The following NYX variants were observed in gnomAD, a reference collection of about 807,000 sequenced individuals.
NYX encodes nyctalopin, also known as leucine-rich repeat protein.
For synonymous variants in NYX, 258 were observed against 245.7 expected, an observed-to-expected ratio of 1.05 and a Z score of -0.47; for missense variants, 481 against 485.4, an observed-to-expected ratio of 0.99 and a Z score of 0.09.
At position 41,474,210 on chromosome X, in the gene NYX, C is replaced by T; in HGVS notation, c.742C>T (p.Leu248=). ...AELPADAFRG[L]RRLRTLNLGG... ...GCTCCCGGCCGACGCCTTCCGCGGC[C>T]TGCGGCGCCTGCGCACGCTCAACCT... is the stretch of plus-strand genomic sequence containing the variant. Residue 248 remains leucine (L), a synonymous_variant, in exon 3 of 3, where the codon CTG becomes TTG. Coordinates refer to ENST00000378220, the MANE Select transcript of NYX (RefSeq NM_001378477.3). 1 of 1,185,228 alleles carries T rather than the reference C, an allele frequency of 8.4e-7. No individual in the cohort carries two copies. Among genetic ancestry groups the T allele is most frequent in the Non-Finnish European group, 1.1e-6 (1 of 887,090 alleles).
At chrX:41,450,386 C>T (rs372361017) in intron 2 of NYX, among the ~76,000 whole-genome samples, 1 of 110,432 alleles carries the variant, frequency 9.1e-6, no homozygotes, top group African/African-American at 3.3e-5. Context: ...AAGTGATTCT[C>T]GTGCCTCAGT....
At chrX:41,450,684 C>T (rs749057760) in intron 2 of NYX, among the ~76,000 whole-genome samples, 3 of 98,953 alleles carry the variant, frequency 3.0e-5, no homozygotes, top group East Asian at 6.4e-4. Context: ...CTCACTCTGT[C>T]GACCAGGCTG....
At chrX:41,470,009 A>C (rs1396059980) in intron 2 of NYX, among the ~76,000 whole-genome samples, 1 of 110,678 alleles carries the variant, frequency 9.0e-6, no homozygotes, top group African/African-American at 3.3e-5. Flanking sequence ...TGGTGAATGG[A>C]ACTTAACTGC....
At chrX:41,450,811 A>C (rs1297219730) in intron 2 of NYX, among the ~76,000 whole-genome samples, 1 of 34,358 alleles carries the variant, frequency 2.9e-5, no homozygotes, top group African/African-American at 1.4e-4. Flanking sequence ...ACACCTGGCT[A>C]ATATATATAT....
chrX:41,473,381 T>C, intron 2 of NYX, 110 bp from the exon 3 acceptor site: 2 of 841,722 alleles, frequency 2.4e-6, no homozygotes, highest in Non-Finnish European at 2.9e-6. Context: ...AGGGCCTGCA[T>C]CCTGCTGCCC....
intron 2 of NYX, among the ~76,000 whole-genome samples, chrX:41,464,402 G>A (rs2064331222): frequency 9.0e-6 from 1 of 111,448 alleles, no homozygotes; most frequent in Non-Finnish European, 1.9e-5. Flanking sequence ...GCCTCCAAAA[G>A]TGCTAGGATT....
chrX:41,473,262 T>C (rs998498406), intron 2 of NYX, among the ~76,000 whole-genome samples: 1 of 110,753 alleles, frequency 9.0e-6, no homozygotes, highest in African/African-American at 3.3e-5. Context: ...TGGGTTTTGC[T>C]GATTAAGGTA....
In NYX at chrX:41,475,280, C is replaced by A; in HGVS notation, c.*381C>A. The A allele has an allele frequency of 4.8e-6, 1 of 207,174 alleles. No homozygotes were observed. Among genetic ancestry groups the A allele is most frequent in the Non-Finnish European group, 8.8e-6 (1 of 113,792 alleles). The allele number at this position is 207,174 out of a possible 1,213,427, so 17.1% of individuals were successfully genotyped here. A position where few individuals can be genotyped will look rare whatever the true frequency, so the allele number is the denominator to read the frequency against. Reference sequence around the variant, plus strand: ...CTTCCATTGGCTAAGTAGTTAAGAGCCGTCCCATTTCTCCTGGCGGGGTAA... The same window carrying A: ...CTTCCATTGGCTAAGTAGTTAAGAGACGTCCCATTTCTCCTGGCGGGGTAA... On this transcript the variant is annotated 3_prime_UTR_variant, in exon 3 of 3. Transcript: ENST00000378220.
At chrX:41,450,077 C>T (rs1224861022) in intron 2 of NYX, among the ~76,000 whole-genome samples, 4 of 111,590 alleles carry the variant, frequency 3.6e-5, no homozygotes, top group African/African-American at 1.3e-4. Context: ...TCTGGACACA[C>T]AGGGCTCCTG....
At chrX:41,454,870 G>A (rs959898181) in intron 2 of NYX, among the ~76,000 whole-genome samples, 1 of 111,514 alleles carries the variant, frequency 9.0e-6, no homozygotes, top group African/African-American at 3.3e-5. Context: ...GCTTCCCAAA[G>A]TGCTGGGATC....
chrX:41,449,398 T>C (rs1397452892), intron 2 of NYX, among the ~76,000 whole-genome samples: 1 of 111,438 alleles, frequency 9.0e-6, no homozygotes, highest in Non-Finnish European at 1.9e-5. Context: ...TAGCATGCTC[T>C]TTGTCTTTGA....
In NYX at chrX:41,475,014, G is replaced by A. The variant is rs531963566; in HGVS notation, c.*115G>A. 2 of 691,912 alleles carry A rather than the reference G, an allele frequency of 2.9e-6. No individual in the cohort carries two copies. Among genetic ancestry groups the A allele is most frequent in the Non-Finnish European group, 4.5e-6 (2 of 449,409 alleles). 57.0% of individuals were successfully genotyped at this position (691,912 alleles called of 1,213,427 possible). On this transcript the variant is annotated 3_prime_UTR_variant, in exon 3 of 3. Coordinates refer to ENST00000378220, the MANE Select transcript of NYX (RefSeq NM_001378477.3). ...ATCCCAGTGGAGGGTGGAAGGAACC[G>A]TTTGCCTCCAGAGATGGCCCCAGGG...
At chrX:41,448,296 A>C (rs996845004) in intron 2 of NYX, among the ~76,000 whole-genome samples, 1 of 111,113 alleles carries the variant, frequency 9.0e-6, no homozygotes, top group Non-Finnish European at 1.9e-5. Context: ...AGGCTGGAGT[A>C]CAGTGGTGCG....
At chrX:41,450,833 T>A (rs1179731399) in intron 2 of NYX, among the ~76,000 whole-genome samples, 4,079 of 20,353 alleles carry the variant, frequency 0.2, 102 homozygotes, top group East Asian at 0.49. Flanking sequence ...TATATATTTT[T>A]TTTTTTTTTT....
At chrX:41,464,523 A>G (rs1366523197) in intron 2 of NYX, among the ~76,000 whole-genome samples, 1 of 112,377 alleles carries the variant, frequency 8.9e-6, no homozygotes, top group Non-Finnish European at 1.9e-5. Flanking sequence ...TTTGGGGGTT[A>G]GGATTTCAAC....
Position 41,450,830 on chromosome X carries a change from T to TATATATA in NYX, c.22+2904_22+2905insATATATA, listed in dbSNP as rs1569262101. Among the ~76,000 whole-genome samples, 3 of 15,108 alleles carry TATATATA rather than the reference T, an allele frequency of 2.0e-4. No individual in the cohort carries two copies. The Admixed American group carries it at 3.2e-3, about 16-fold the overall frequency. 13.1% of individuals were successfully genotyped at this position (15,108 alleles called of 115,157 possible). A position where few individuals can be genotyped will look rare whatever the true frequency, so the allele number is the denominator to read the frequency against. On this transcript the variant is annotated intron_variant, in intron 2 of 2. Coordinates refer to ENST00000378220, the MANE Select transcript of NYX (RefSeq NM_001378477.3). ...CTGGCTAATATATATATATATATAT[T>TATATATA]TTTTTTTTTTTTTTTTTTTTTTTTT... is the stretch of plus-strand genomic sequence containing the variant.
chrX:41,453,103 T>C (rs1171813868), intron 2 of NYX, among the ~76,000 whole-genome samples: 2 of 112,579 alleles, frequency 1.8e-5, no homozygotes, highest in Admixed American at 9.5e-5. Context: ...TTTAAAACAA[T>C]GAGAATAAAG....
intron 2 of NYX, among the ~76,000 whole-genome samples, chrX:41,453,413 A>T (rs1161761215): frequency 9.0e-6 from 1 of 111,111 alleles, no homozygotes; most frequent in African/African-American, 3.3e-5. Context: ...GAAAATTCAC[A>T]CAAGATAAAA....
At chrX:41,465,463 T>C (rs2064334623) in intron 2 of NYX, among the ~76,000 whole-genome samples, 3 of 109,516 alleles carry the variant, frequency 2.7e-5, no homozygotes, top group African/African-American at 1.0e-4. Context: ...TGAGGCATGG[T>C]CCTTTGGGGT....
Sources: gnomAD v4.1 joint callset for allele counts (sites outside exome capture counted in the v4.1 genomes callset) on GRCh38, gnomAD v4.1.1 for gene constraint, MANE v1.5 for transcripts, NCBI Gene and HGNC (gene_info 2026-07-23, HGNC 2026-07-21) for gene names.